SEPTIN9: variants seen among roughly 807,000 people sequenced by gnomAD.
SEPTIN9 encodes the protein septin 9.
A neutral mutation model predicts 56.6 loss-of-function variants in SEPTIN9; 13 were observed. The ratio of observed to expected loss-of-function variants is 0.23; its 90% confidence interval spans 0.15 to 0.37. The LOEUF (loss-of-function observed/expected upper bound fraction) is 0.37, where lower values mean the gene tolerates loss of function less well. Ranked by LOEUF, SEPTIN9 falls within the 10% of genes least tolerant of loss-of-function variation. The probability of loss-of-function intolerance (pLI) is 1.00; values close to 1 mark genes in which losing one functional copy is unlikely to be tolerated. For missense variants in SEPTIN9, 650 were observed against 823.1 expected (o/e 0.79, Z 2.57); for synonymous variants, 332 against 334.1 (o/e 0.99, Z 0.07).
Position 77,451,859 on chromosome 17 carries a change from T to G in SEPTIN9, c.722-30285T>G, listed in dbSNP as rs2037986338. Among the ~76,000 whole-genome samples the G allele has an allele frequency of 3.9e-5, 6 of 152,344 alleles. No individual in the cohort carries two copies. The South Asian group carries it at 1.2e-3, about 32-fold the overall frequency. On this transcript the variant is annotated intron_variant, in intron 3 of 11. Transcript: ENST00000427177. The surrounding 1 kb of genome is among the most constrained non-coding windows in gnomAD (Gnocchi z 4.2). ...CCGGAGCTTCTTGGAACATGTTTCC[T>G]TTTCGCAAGGGGTTTCCCTGGCTTC...
intron 3 of SEPTIN9, chr17:77,444,877 T>C (rs1304599744): frequency 5.9e-6 from 2 of 336,614 alleles, no homozygotes; most frequent in African/African-American, 2.2e-5. Context: ...GAGGTTGGGC[T>C]GTTCAGACAG....
chr17:77,488,634 G>A, intron 6 of SEPTIN9, 93 bp from the exon 7 acceptor site: 1 of 1,533,186 alleles, frequency 6.5e-7, no homozygotes, highest in South Asian at 1.1e-5. Context: ...TTCATTGGAA[G>A]GTGGGGTGTT....
chr17:77,467,902 C>T lies in SEPTIN9; in HGVS notation c.722-14242C>T, dbSNP rs529935229. ...ACAGCGTCTTACTGGGTGCTTCGGACGTGTAAGGTTTTGTGGGTAGTGAAT... is the reference window on the plus strand; with the variant it reads ...ACAGCGTCTTACTGGGTGCTTCGGATGTGTAAGGTTTTGTGGGTAGTGAAT... On this transcript the variant is annotated intron_variant, in intron 3 of 11. Coordinates refer to ENST00000427177, the MANE Select transcript of SEPTIN9 (RefSeq NM_001113491.2). 2.6e-5 allele frequency among the ~76,000 whole-genome samples: 4 copies of T among 152,244 alleles called. No homozygotes were observed. In the South Asian group the frequency reaches 6.2e-4, roughly 24 times the overall value.
At position 77,500,463 on chromosome 17, in the gene SEPTIN9, GTTCGT is replaced by G. The variant is rs1344365755; in HGVS notation, c.*1809_*1813del. 9 of 222,700 alleles carry G rather than the reference GTTCGT, an allele frequency of 4.0e-5. No homozygotes were observed. The highest frequency in any genetic ancestry group is 1.1e-4 in the African/African-American group (5 of 44,710). 13.8% of individuals were successfully genotyped at this position (222,700 alleles called of 1,614,324 possible). On this transcript the variant is annotated 3_prime_UTR_variant, in exon 12 of 12. Coordinates refer to ENST00000427177, the MANE Select transcript of SEPTIN9 (RefSeq NM_001113491.2). ...CTCTGTAACCAGACTTTGAAAAATTGTTCGTTTCATCAGGCTCTGTTCCTCAATGG... is the reference window on the plus strand; with the variant it reads ...CTCTGTAACCAGACTTTGAAAAATTGTTCATCAGGCTCTGTTCCTCAATGG...
At chr17:77,399,441 G>C (rs1455954476) in intron 2 of SEPTIN9, among the ~76,000 whole-genome samples, 1 of 152,138 alleles carries the variant, frequency 6.6e-6, no homozygotes, top group African/African-American at 2.4e-5. Flanking sequence ...CACCATGTGG[G>C]GACAGTTTGG....
chr17:77,397,742 C>T (rs531605241), intron 2 of SEPTIN9, among the ~76,000 whole-genome samples: 4 of 152,196 alleles, frequency 2.6e-5, no homozygotes, highest in African/African-American at 4.8e-5. Context: ...CTCTGCCTCC[C>T]GAATTTAAGT....
intron 3 of SEPTIN9, chr17:77,454,049 G>A: frequency 2.0e-6 from 2 of 985,396 alleles, no homozygotes; most frequent in Non-Finnish European, 2.4e-6. Context: ...CTCTCTCCCT[G>A]GCCGGGAGTG....
intron 1 of SEPTIN9, among the ~76,000 whole-genome samples, chr17:77,287,448 A>G (rs1412962451): frequency 2.0e-5 from 3 of 151,972 alleles, no homozygotes; most frequent in African/African-American, 4.8e-5. Flanking sequence ...GCCCATTTCA[A>G]CTCTCCATGT....
intron 2 of SEPTIN9, among the ~76,000 whole-genome samples, chr17:77,391,598 G>C (rs1005137439): frequency 4.6e-5 from 7 of 152,144 alleles, no homozygotes; most frequent in Non-Finnish European, 1.0e-4. Flanking sequence ...GATCATGTTC[G>C]CAGGTTCCAG....
chr17:77,369,161 G>A lies in SEPTIN9; in HGVS notation c.77-32898G>A, dbSNP rs2034649602. Among the ~76,000 whole-genome samples the A allele has an allele frequency of 6.6e-6, 1 of 152,178 alleles. No individual in the cohort carries two copies. The highest frequency in any genetic ancestry group is 2.1e-4 in the South Asian group (1 of 4,834). ...AGGCAGGAGAATCACTTGAACCTGG[G>A]AGGTGGAGTTTGCAGTGAGCCAGGA... is the stretch of plus-strand genomic sequence containing the variant. On this transcript the variant is annotated intron_variant, in intron 2 of 11. Transcript: ENST00000427177. The surrounding 1 kb of genome is among the most constrained non-coding windows in gnomAD (Gnocchi z 4.9).
At chr17:77,404,983 T>C (rs1211459513) in intron 3 of SEPTIN9, 47 of 1,151,240 alleles carry the variant, frequency 4.1e-5, no homozygotes, top group Non-Finnish European at 5.2e-5. Context: ...GGACCTTTGT[T>C]TGACGTGCCG....
At chr17:77,390,452 C>CT (rs1346255182) in intron 2 of SEPTIN9, among the ~76,000 whole-genome samples, 4,567 of 115,036 alleles carry the variant, frequency 0.04, 599 homozygotes, top group African/African-American at 0.15. Flanking sequence ...GCACATTTCG[C>CT]TTTTTTTTTT....
chr17:77,313,457 A>C lies in SEPTIN9; in HGVS notation c.76+6260A>C, dbSNP rs2032586560. Among the ~76,000 whole-genome samples, 2 of 152,260 alleles carry C rather than the reference A, an allele frequency of 1.3e-5. No individual in the cohort carries two copies. Among genetic ancestry groups the C allele is most frequent in the Non-Finnish European group, 2.9e-5 (2 of 68,044 alleles). ...AGAGATAGCTGGATTGTATTTATTT[A>C]GGAACAGCCAAAGTCTGAGGCACAA... On this transcript the variant is annotated intron_variant, in intron 2 of 11. Coordinates refer to ENST00000427177, the MANE Select transcript of SEPTIN9 (RefSeq NM_001113491.2). The surrounding 1 kb of genome is among the most constrained non-coding windows in gnomAD (Gnocchi z 4.5).
At chr17:77,442,742 G>A (rs1420409237) in intron 3 of SEPTIN9, among the ~76,000 whole-genome samples, 3 of 151,946 alleles carry the variant, frequency 2.0e-5, no homozygotes, top group Non-Finnish European at 2.9e-5. Flanking sequence ...GTATGGTGGT[G>A]CACACCTGTA....
At chr17:77,401,517 G>A (rs542060987) in intron 2 of SEPTIN9, among the ~76,000 whole-genome samples, 9 of 152,102 alleles carry the variant, frequency 5.9e-5, no homozygotes, top group African/African-American at 1.9e-4. Flanking sequence ...AGGCCGAGGC[G>A]GGTGGATCGC....
Position 77,492,321 on chromosome 17 carries a change from C to A in SEPTIN9, c.1381-300C>A, listed in dbSNP as rs989887755. Among the ~76,000 whole-genome samples, 12 of 152,042 alleles carry A rather than the reference C, an allele frequency of 7.9e-5. No homozygotes were observed. The highest frequency in any genetic ancestry group is 2.9e-4 in the African/African-American group (12 of 41,368). On this transcript the variant is annotated intron_variant, in intron 8 of 11. Coordinates refer to ENST00000427177, the MANE Select transcript of SEPTIN9 (RefSeq NM_001113491.2). This position sits in a 1 kb window ranked among gnomAD's most constrained non-coding sequence, Gnocchi z 5.4. ...GTTTCAGGAGGGGAGGTCTCGGTAA[C>A]CCTGAGTACTTTCTTGGGGCTGTGA...
intron 2 of SEPTIN9, among the ~76,000 whole-genome samples, chr17:77,390,674 A>C (rs1157982471): frequency 6.6e-6 from 1 of 151,826 alleles, no homozygotes; most frequent in East Asian, 2.0e-4. Flanking sequence ...GATGGTCTCG[A>C]TCTCCTGACC....
At chr17:77,349,715 C>T (rs371430) in intron 2 of SEPTIN9, among the ~76,000 whole-genome samples, 2,336 of 152,242 alleles carry the variant, frequency 0.015, 56 homozygotes, top group African/African-American at 0.053. Context: ...ACTCCAGCTT[C>T]TACCTACTTG....
At chr17:77,388,804 T>G (rs1387716108) in intron 2 of SEPTIN9, among the ~76,000 whole-genome samples, 1 of 139,168 alleles carries the variant, frequency 7.2e-6, no homozygotes, top group East Asian at 2.3e-4. Context: ...CCCCTGGTGT[T>G]AGGCGCTTTT....
Sources: allele counts gnomAD v4.1 joint callset (sites outside exome capture counted in the v4.1 genomes callset), GRCh38; gene constraint gnomAD v4.1.1; non-coding constraint Gnocchi (gnomAD v3.1); transcripts MANE v1.5; gene names NCBI Gene and HGNC (gene_info 2026-07-23, HGNC 2026-07-21).